DCLK1: variants seen among roughly 807,000 people sequenced by gnomAD.
The protein encoded by DCLK1 is serine/threonine-protein kinase DCLK1.
In DCLK1, 16 loss-of-function variants were observed where a neutral mutation model predicts 86.2. The ratio of observed to expected loss-of-function variants is 0.19; its 90% CI spans 0.13 to 0.28. The LOEUF (loss-of-function observed/expected upper bound fraction) is 0.28. Among genes scored for constraint, DCLK1 ranks in the 10% least tolerant of loss-of-function variants. The pLI is 1.00. For missense variants in DCLK1, 590 were observed against 940.2 expected (o/e 0.63, Z 4.87); for synonymous variants, 369 against 370.5 (o/e 1.00, Z 0.05).
intron 3 of DCLK1, among the ~76,000 whole-genome samples, chr13:35,996,897 A>G (rs1880502530): frequency 6.6e-6 from 1 of 152,286 alleles, no homozygotes; most frequent in South Asian, 2.1e-4. Flanking sequence ...GTTGGCCACA[A>G]AGCTATAGCT....
intron 3 of DCLK1, among the ~76,000 whole-genome samples, chr13:36,024,583 A>G (rs1241671895): frequency 6.6e-6 from 1 of 152,218 alleles, no homozygotes; most frequent in Non-Finnish European, 1.5e-5. Context: ...AAATTAAAGA[A>G]GTCCAAAATA....
chr13:35,868,303 G>A (rs182969679), intron 5 of DCLK1, among the ~76,000 whole-genome samples: 1 of 152,170 alleles, frequency 6.6e-6, no homozygotes, highest in East Asian at 1.9e-4. Context: ...TTACAGGCGT[G>A]AGCCACCGCA....
Position 35,905,671 on chromosome 13 carries a change from T to A in DCLK1, c.824-34331A>T, listed in dbSNP as rs528996916. 5.9e-5 allele frequency among the ~76,000 whole-genome samples: 9 copies of A among 152,234 alleles called. No individual in the cohort carries two copies. In the South Asian group the frequency reaches 1.7e-3, roughly 28 times the overall value. On this transcript the variant is annotated intron_variant, in intron 4 of 16. Transcript: ENST00000360631. ...TTAAGACTGCCAGAGCCAGGCCAGG[T>A]GTGGTGGCTCACGCCTGTATTCCCA...
At chr13:35,776,927 G>A (rs924485103) in intron 16 of DCLK1, among the ~76,000 whole-genome samples, 68 of 152,246 alleles carry the variant, frequency 4.5e-4, no homozygotes, top group African/African-American at 1.6e-3. Context: ...GAAGCTGGTG[G>A]CACTTAATAT....
chr13:36,024,171 G>C (rs1358918594), intron 3 of DCLK1, among the ~76,000 whole-genome samples: 2 of 151,908 alleles, frequency 1.3e-5, no homozygotes, highest in Non-Finnish European at 2.9e-5. Flanking sequence ...TGGGATTACA[G>C]GCATGAGCCA....
At chr13:35,796,190 A>ACTT (rs2086808063) in intron 15 of DCLK1, among the ~76,000 whole-genome samples, 1 of 152,202 alleles carries the variant, frequency 6.6e-6, no homozygotes, top group South Asian at 2.1e-4. Context: ...TTACACAAGT[A>ACTT]CTTCTTACCA....
chr13:35,829,965 G>C (rs2153106514), intron 8 of DCLK1, among the ~76,000 whole-genome samples: 1 of 152,342 alleles, frequency 6.6e-6, no homozygotes, highest in East Asian at 1.9e-4. Context: ...TGGGATGTGA[G>C]CCAGGCTGTG....
intron 2 of DCLK1, among the ~76,000 whole-genome samples, chr13:36,117,840 G>A (rs1001713074): frequency 6.6e-6 from 1 of 152,132 alleles, no homozygotes; most frequent in Non-Finnish European, 1.5e-5. Context: ...CCACAAGGCA[G>A]TAAGTAATAA....
At chr13:35,786,755 C>T (rs986099347) in intron 16 of DCLK1, among the ~76,000 whole-genome samples, 3 of 152,180 alleles carry the variant, frequency 2.0e-5, no homozygotes, top group African/African-American at 7.2e-5. Flanking sequence ...TCACCCTTCT[C>T]CCTCCAAAAT....
intron 3 of DCLK1, among the ~76,000 whole-genome samples, chr13:36,006,758 G>A (rs887543486): frequency 2.0e-5 from 3 of 152,188 alleles, no homozygotes; most frequent in African/African-American, 7.2e-5. Context: ...TATGAAGTTT[G>A]GATCTAGAGG....
intron 3 of DCLK1, among the ~76,000 whole-genome samples, chr13:35,985,353 A>C (rs1879849114): frequency 6.6e-6 from 1 of 151,918 alleles, no homozygotes; most frequent in Non-Finnish European, 1.5e-5. Context: ...CCTTTAGAAA[A>C]TCTGACTCTG....
At chr13:35,970,170 C>A (rs2153139263) in intron 3 of DCLK1, among the ~76,000 whole-genome samples, 1 of 152,228 alleles carries the variant, frequency 6.6e-6, no homozygotes, top group South Asian at 2.1e-4. Flanking sequence ...TCAAAGCTGC[C>A]TAGCTTTCCT....
intron 3 of DCLK1, among the ~76,000 whole-genome samples, chr13:36,068,574 T>A (rs923763859): frequency 6.7e-6 from 1 of 148,348 alleles, no homozygotes; most frequent in African/African-American, 2.5e-5. Flanking sequence ...CTTTTTTTTT[T>A]TAACAAATTC....
intron 8 of DCLK1, among the ~76,000 whole-genome samples, chr13:35,831,636 T>C (rs1868973089): frequency 6.6e-6 from 1 of 152,098 alleles, no homozygotes; most frequent in African/African-American, 2.4e-5. Context: ...ATGACCTGAC[T>C]GATTACTGGT....
At chr13:35,822,353 G>T (rs1926453) in intron 11 of DCLK1, among the ~76,000 whole-genome samples, 2,445 of 152,020 alleles carry the variant, frequency 0.016, 63 homozygotes, top group African/African-American at 0.056. Context: ...AGAGATGGGG[G>T]TCTCACTATG....
chr13:35,861,874 A>T (rs1871415928), intron 5 of DCLK1, among the ~76,000 whole-genome samples: 1 of 150,898 alleles, frequency 6.6e-6, no homozygotes. Context: ...AAAAAAAAAA[A>T]TACAAAAAAT....
intron 3 of DCLK1, among the ~76,000 whole-genome samples, chr13:36,007,875 G>C (rs1881054984): frequency 6.6e-6 from 1 of 151,998 alleles, no homozygotes; most frequent in African/African-American, 2.4e-5. Context: ...GTTATATTTA[G>C]TATATCTTGG....
chr13:35,880,360 G>T (rs1872814232), intron 4 of DCLK1, among the ~76,000 whole-genome samples: 1 of 152,166 alleles, frequency 6.6e-6, no homozygotes, highest in Non-Finnish European at 1.5e-5. Context: ...TTGCAGAAGG[G>T]CCACAAGCAT....
At chr13:36,050,975 C>G (rs1380385604) in intron 3 of DCLK1, among the ~76,000 whole-genome samples, 1 of 152,120 alleles carries the variant, frequency 6.6e-6, no homozygotes, top group Non-Finnish European at 1.5e-5. Flanking sequence ...GACATGTCAA[C>G]AAGCCATTCA....
Sources: gnomAD v4.1 joint callset for allele counts (sites outside exome capture counted in the v4.1 genomes callset) on GRCh38, gnomAD v4.1.1 for gene constraint, MANE v1.5 for transcripts, NCBI Gene and HGNC (gene_info 2026-07-23, HGNC 2026-07-21) for gene names.